Variants in CNTN4 observed in about 807,000 individuals in gnomAD.
The protein encoded by CNTN4 is contactin-4.
In CNTN4, 77 loss-of-function variants were observed where a neutral mutation model predicts 122.5. The ratio of observed to expected loss-of-function variants is 0.63; its 90% CI spans 0.52 to 0.76. CNTN4 has a LOEUF of 0.76. Ranked by LOEUF, CNTN4 falls within the 30% of genes least tolerant of loss-of-function variation. CNTN4 has a pLI of 0.00. For synonymous variants in CNTN4, 512 were observed against 447.0 expected, an observed-to-expected ratio of 1.15 and a Z score of -1.83; for missense variants, 1,256 against 1,259.1, an observed-to-expected ratio of 1.00 and a Z score of 0.04.
chr3:2,728,181 C>A (rs755069939), intron 4 of CNTN4, among the ~76,000 whole-genome samples: 4 of 152,194 alleles, frequency 2.6e-5, no homozygotes, highest in African/African-American at 4.8e-5. Flanking sequence ...TAAAGGAATT[C>A]TTGCACTCAG....
At chr3:2,513,449 A>T (rs1439149323) in intron 3 of CNTN4, among the ~76,000 whole-genome samples, 1 of 151,992 alleles carries the variant, frequency 6.6e-6, no homozygotes, top group Non-Finnish European at 1.5e-5. Context: ...CAAATGCTTA[A>T]TTTGTATCTA....
At chr3:2,507,447 G>A (rs756894337) in intron 3 of CNTN4, among the ~76,000 whole-genome samples, 1 of 151,970 alleles carries the variant, frequency 6.6e-6, no homozygotes, top group Admixed American at 6.6e-5. Flanking sequence ...TGGGTGCGGT[G>A]GCTCATGACT....
intron 14 of CNTN4, among the ~76,000 whole-genome samples, chr3:2,990,110 T>C (rs983723760): frequency 1.6e-4 from 25 of 152,054 alleles, no homozygotes; most frequent in African/African-American, 4.8e-4. Flanking sequence ...TGAAAATCCA[T>C]GTTAAGTGAT....
chr3:2,221,030 T>C (rs913600707), intron 2 of CNTN4, among the ~76,000 whole-genome samples: 1 of 152,120 alleles, frequency 6.6e-6, no homozygotes, highest in Non-Finnish European at 1.5e-5. Flanking sequence ...ATAATCCTGC[T>C]TGAGTGATTC....
chr3:2,914,300 T>C (rs977750223), intron 12 of CNTN4, among the ~76,000 whole-genome samples: 3 of 151,804 alleles, frequency 2.0e-5, no homozygotes, highest in African/African-American at 7.3e-5. Flanking sequence ...GAATAATATA[T>C]ATTAGAGCAG....
rs528638119 is a variant in CNTN4, at chr3:2,301,069, A to T, written c.-144-38109A>T. On this transcript the variant is annotated intron_variant, in intron 2 of 24. Coordinates refer to ENST00000418658, the MANE Select transcript of CNTN4 (RefSeq NM_175607.3). ...TTAAGCCATCCTTGCTATGTCCTTG[A>T]TCCTTCTTTGAATCCATTGCAGACT... 1.2e-4 allele frequency among the ~76,000 whole-genome samples: 19 copies of T among 152,248 alleles called. No homozygotes were observed. In the South Asian group the frequency reaches 3.9e-3, roughly 32 times the overall value.
At chr3:2,398,514 A>G (rs1432153748) in intron 3 of CNTN4, among the ~76,000 whole-genome samples, 2 of 152,256 alleles carry the variant, frequency 1.3e-5, no homozygotes, top group South Asian at 2.1e-4. Flanking sequence ...AGATTGATTC[A>G]TTATATTGCC....
intron 14 of CNTN4, among the ~76,000 whole-genome samples, chr3:3,023,962 T>G (rs1472416769): frequency 6.6e-6 from 1 of 152,172 alleles, no homozygotes; most frequent in Non-Finnish European, 1.5e-5. Flanking sequence ...AGTCTGCTCA[T>G]TTGTTAAATA....
chr3:2,103,768 A>G (rs1052767742), intron 2 of CNTN4, among the ~76,000 whole-genome samples: 2 of 152,154 alleles, frequency 1.3e-5, no homozygotes, highest in Non-Finnish European at 2.9e-5. Flanking sequence ...GGGACTGTAT[A>G]TATATCCCAG....
intron 16 of CNTN4, 150 bp from the exon 17 acceptor site, chr3:3,034,482 C>G: frequency 1.2e-6 from 1 of 833,150 alleles, no homozygotes; most frequent in South Asian, 1.6e-5. Context: ...GTTCCAAGCA[C>G]GTAGTAGGAG....
At chr3:2,270,686 C>T (rs1365891133) in intron 2 of CNTN4, among the ~76,000 whole-genome samples, 1 of 152,070 alleles carries the variant, frequency 6.6e-6, no homozygotes, top group Non-Finnish European at 1.5e-5. Context: ...TAGCTGGAAC[C>T]ATGAGATTTG....
intron 4 of CNTN4, among the ~76,000 whole-genome samples, chr3:2,654,617 G>A (rs1046244007): frequency 6.6e-6 from 1 of 152,132 alleles, no homozygotes; most frequent in Non-Finnish European, 1.5e-5. Flanking sequence ...CAAGCATTCA[G>A]CCCTGCTCAC....
chr3:2,349,689 A>C (rs1235448082), intron 3 of CNTN4, among the ~76,000 whole-genome samples: 3 of 152,226 alleles, frequency 2.0e-5, no homozygotes, highest in East Asian at 3.9e-4. Flanking sequence ...ATGATGGACT[A>C]TCTGCAGAAT....
intron 2 of CNTN4, among the ~76,000 whole-genome samples, chr3:2,312,929 C>G (rs982327027): frequency 6.6e-6 from 1 of 151,540 alleles, no homozygotes; most frequent in Non-Finnish European, 1.5e-5. Flanking sequence ...AAGAACATAA[C>G]AAAAATAAAA....
At position 2,377,435 on chromosome 3, in the gene CNTN4, C is replaced by T. The variant is rs566599881; in HGVS notation, c.-89+38202C>T. Among the ~76,000 whole-genome samples, 3 of 152,306 alleles carry T rather than the reference C, an allele frequency of 2.0e-5. No homozygotes were observed. In the East Asian group the frequency reaches 5.8e-4, roughly 29 times the overall value. On this transcript the variant is annotated intron_variant, in intron 3 of 24. Coordinates refer to ENST00000418658, the MANE Select transcript of CNTN4 (RefSeq NM_175607.3). ...CACCCACACACAGGTTGTTAAGTCA[C>T]CAAGAGATGTGTTACTTCTGTGCTG...
intron 4 of CNTN4, among the ~76,000 whole-genome samples, chr3:2,689,980 C>G (rs9828371): frequency 0.022 from 3,370 of 152,160 alleles, 138 homozygotes; most frequent in African/African-American, 0.077. Flanking sequence ...GATCATATGT[C>G]TTCTCATCAC....
intron 4 of CNTN4, among the ~76,000 whole-genome samples, chr3:2,575,384 G>C (rs1018544048): frequency 1.3e-5 from 2 of 151,966 alleles, no homozygotes; most frequent in African/African-American, 4.8e-5. Context: ...GGTGGTGCAC[G>C]TCTATAATGT....
chr3:2,639,209 C>T (rs188088470), intron 4 of CNTN4, among the ~76,000 whole-genome samples: 1 of 152,288 alleles, frequency 6.6e-6, no homozygotes, highest in Admixed American at 6.5e-5. Context: ...ATAACCTGCA[C>T]TGCATCCCTC....
At chr3:2,970,457 T>TC (rs1389780405) in intron 13 of CNTN4, among the ~76,000 whole-genome samples, 2 of 152,088 alleles carry the variant, frequency 1.3e-5, no homozygotes, top group Non-Finnish European at 2.9e-5. Context: ...CACTTTTTTT[T>TC]TTAATTGAGA....
Sources: gnomAD v4.1 joint callset for allele counts (sites outside exome capture counted in the v4.1 genomes callset) on GRCh38, gnomAD v4.1.1 for gene constraint, MANE v1.5 for transcripts, NCBI Gene and HGNC (gene_info 2026-07-23, HGNC 2026-07-21) for gene names.